The following BCKDHB variants were observed in gnomAD, a reference collection of about 807,000 sequenced individuals.
The protein encoded by BCKDHB is 2-oxoisovalerate dehydrogenase subunit beta, mitochondrial.
A neutral mutation model predicts 48.5 loss-of-function variants in BCKDHB; 41 were observed. The ratio of observed to expected loss-of-function variants is 0.85; its 90% CI spans 0.66 to 1.10. The LOEUF (loss-of-function observed/expected upper bound fraction) is 1.10. Among genes scored for constraint, BCKDHB ranks in the 50% least tolerant of loss-of-function variants. BCKDHB has a pLI of 0.00. For synonymous variants in BCKDHB, 201 were observed against 174.8 expected (o/e 1.15, Z -1.18); for missense variants, 496 against 494.2 (o/e 1.00, Z -0.03).
intron 9 of BCKDHB, among the ~76,000 whole-genome samples, chr6:80,283,115 A>T (rs930129932): frequency 1.2e-4 from 18 of 152,176 alleles, no homozygotes; most frequent in Non-Finnish European, 2.4e-4. Flanking sequence ...TTCTACATGT[A>T]TGGCATATTT....
intron 1 of BCKDHB, among the ~76,000 whole-genome samples, chr6:80,110,011 G>A (rs1769330380): frequency 6.6e-6 from 1 of 152,196 alleles, no homozygotes; most frequent in African/African-American, 2.4e-5. Context: ...CTAACTTTCT[G>A]CTTTTCACAT....
the BCKDHB span, among the ~76,000 whole-genome samples, chr6:80,434,977 A>T: frequency 1.3e-5 from 2 of 151,914 alleles, no homozygotes; most frequent in African/African-American, 2.4e-5. Flanking sequence ...CTTCTTCAGC[A>T]CTCTTTTCTG....
intron 9 of BCKDHB, among the ~76,000 whole-genome samples, chr6:80,277,328 A>C (rs1334533073): frequency 6.6e-6 from 1 of 152,012 alleles, no homozygotes; most frequent in East Asian, 1.9e-4. Flanking sequence ...TAGTGTGTAA[A>C]AGTGTTAACC....
In BCKDHB at chr6:80,230,026, GTTTTTTTTTTTTTT is replaced by G. The variant is rs551632775; in HGVS notation, c.951+26831_951+26844del. Reference sequence around the variant, plus strand: ...TGAATTCCAAAGGGGTTTTTAGGTTGTTTTTTTTTTTTTTTTTTTTTTTTTTTTTTGAGACGGAG... The same window carrying G: ...TGAATTCCAAAGGGGTTTTTAGGTTGTTTTTTTTTTTTTTTTGAGACGGAG... On this transcript the variant is annotated intron_variant, in intron 8 of 9. Transcript: ENST00000320393. 6.3e-4 allele frequency among the ~76,000 whole-genome samples: 38 copies of G among 60,664 alleles called. No individual in the cohort carries two copies. In the Admixed American group the frequency reaches 7.8e-3, roughly 12 times the overall value. The allele number at this position is 60,664 out of a possible 152,430, so 39.8% of individuals were successfully genotyped here.
chr6:80,273,329 A>T (rs973988775), intron 9 of BCKDHB, 108 bp downstream of exon 9: 5 of 929,456 alleles, frequency 5.4e-6, no homozygotes, highest in Non-Finnish European at 3.5e-6. Flanking sequence ...ACTTTATGGA[A>T]ATGTAGTGCA....
chr6:80,411,166 C>G, the BCKDHB span, among the ~76,000 whole-genome samples: 1 of 152,096 alleles, frequency 6.6e-6, no homozygotes, highest in Non-Finnish European at 1.5e-5. Flanking sequence ...TGATGCTGGT[C>G]CTTTCTGTTT....
At chr6:80,113,443 A>T (rs1287780531) in intron 1 of BCKDHB, among the ~76,000 whole-genome samples, 1 of 152,230 alleles carries the variant, frequency 6.6e-6, no homozygotes, top group Non-Finnish European at 1.5e-5. Context: ...GTGCTTCCAC[A>T]TAGAAAACTC....
At chr6:80,322,437 C>A (rs1768788042) in intron 9 of BCKDHB, among the ~76,000 whole-genome samples, 1 of 151,934 alleles carries the variant, frequency 6.6e-6, no homozygotes, top group Non-Finnish European at 1.5e-5. Flanking sequence ...CAGGGTTTCA[C>A]CATGTTGGTC....
chr6:80,401,881 C>G, the BCKDHB span, among the ~76,000 whole-genome samples: 1 of 151,664 alleles, frequency 6.6e-6, no homozygotes, highest in African/African-American at 2.4e-5. Flanking sequence ...TTCTCTAGAT[C>G]TATTCATATT....
At chr6:80,196,092 G>A (rs1419547875) in intron 6 of BCKDHB, among the ~76,000 whole-genome samples, 1 of 152,136 alleles carries the variant, frequency 6.6e-6, no homozygotes, top group African/African-American at 2.4e-5. Context: ...TGCTTCACAG[G>A]GAAACTTGTG....
At chr6:80,411,685 C>T in the BCKDHB span, among the ~76,000 whole-genome samples, 1 of 152,232 alleles carries the variant, frequency 6.6e-6, no homozygotes, top group East Asian at 1.9e-4. Flanking sequence ...ACGCCCCTCC[C>T]CCCATCAGGC....
In BCKDHB at chr6:80,169,001, G is replaced by C; in HGVS notation, c.604G>C (p.Ala202Pro). 6.2e-7 allele frequency: 1 copy of C among 1,614,138 alleles called. No homozygotes were observed. Among genetic ancestry groups the C allele is most frequent in the Non-Finnish European group, 8.5e-7 (1 of 1,179,998 alleles). Reference protein sequence around the residue: ...GALYHSQSPEAFFAHCPGIKV... With the variant: ...GALYHSQSPEPFFAHCPGIKV... ...TCTCTATCATTCTCAGAGTCCTGAA[G>C]CATTTTTTGCCCATTGCCCAGGAAT... Residue 202 changes from alanine (A) to proline (P), a missense_variant, in exon 5 of 10, where the codon GCA becomes CCA. Physicochemically the swap from Ala to Pro is conservative, Grantham distance 27. Coordinates refer to ENST00000320393, the MANE Select transcript of BCKDHB (RefSeq NM_183050.4).
chr6:80,205,837 G>GTGTGTGTGTGTGTGT (rs1368120428), intron 8 of BCKDHB, among the ~76,000 whole-genome samples: 1 of 91,916 alleles, frequency 1.1e-5, no homozygotes, highest in African/African-American at 4.3e-5. Flanking sequence ...TGTGTGTGTA[G>GTGTGTGTGTGTGTGT]GTGGATTGGC....
chr6:80,400,202 A>G, the BCKDHB span, among the ~76,000 whole-genome samples: 1 of 152,184 alleles, frequency 6.6e-6, no homozygotes, highest in Admixed American at 6.6e-5. Context: ...TGTGAAAAGC[A>G]ATTGCGACAA....
intron 8 of BCKDHB, among the ~76,000 whole-genome samples, chr6:80,265,124 T>C (rs1777459901): frequency 6.6e-6 from 1 of 152,100 alleles, no homozygotes; most frequent in Non-Finnish European, 1.5e-5. Flanking sequence ...TAAAATGGTA[T>C]AGCCTCTGTG....
chr6:80,407,627 G>T, the BCKDHB span, among the ~76,000 whole-genome samples: 4 of 152,174 alleles, frequency 2.6e-5, no homozygotes, highest in African/African-American at 9.7e-5. Context: ...TTGTGAATGG[G>T]AGCTCACTCA....
Position 80,343,920 on chromosome 6 carries a change from A to C in BCKDHB, c.*116A>C. 1 of 1,347,590 alleles carries C rather than the reference A, an allele frequency of 7.4e-7. No homozygotes were observed. The highest frequency in any genetic ancestry group is 1.1e-6 in the Non-Finnish European group (1 of 943,766). The allele number at this position is 1,347,590 out of a possible 1,614,324, so 83.5% of individuals were successfully genotyped here. ...TGATGGTAACAAACTTTGATGGTAA[A>C]GTTGGTAAAAGGCAACTTTCAGAAG... On this transcript the variant is annotated 3_prime_UTR_variant, in exon 10 of 10. Coordinates refer to ENST00000320393, the MANE Select transcript of BCKDHB (RefSeq NM_183050.4).
the BCKDHB span, among the ~76,000 whole-genome samples, chr6:80,371,944 A>G: frequency 0.95 from 143,874 of 152,162 alleles, 68,546 homozygotes; most frequent in East Asian, 1. Context: ...TTTTTGCTTC[A>G]TCTTGCTTTG....
At chr6:80,363,940 C>T in the BCKDHB span, among the ~76,000 whole-genome samples, 1 of 152,144 alleles carries the variant, frequency 6.6e-6, no homozygotes, top group Non-Finnish European at 1.5e-5. Flanking sequence ...CAGTGAACCC[C>T]GGGCTACTTC....
Sources: allele counts gnomAD v4.1 joint callset (sites outside exome capture counted in the v4.1 genomes callset), GRCh38; gene constraint gnomAD v4.1.1; transcripts MANE v1.5; gene names NCBI Gene and HGNC (gene_info 2026-07-23, HGNC 2026-07-21).